PCDHGB2: variants seen among roughly 807,000 people sequenced by gnomAD.
PCDHGB2 encodes the protein protocadherin gamma-B2.
PCDHGB2 carries 55 observed loss-of-function variants against 59.3 expected under a neutral mutation model. The observed-to-expected ratio is 0.93, with a 90% CI of 0.75 to 1.16. The LOEUF (loss-of-function observed/expected upper bound fraction) is 1.16. Among genes scored for constraint, PCDHGB2 ranks in the 50% most tolerant of loss-of-function variants. The pLI is 0.00. For missense variants in PCDHGB2, 1,228 were observed against 1,198.5 expected, an observed-to-expected ratio of 1.02 and a Z score of -0.36; for synonymous variants, 516 against 512.0, an observed-to-expected ratio of 1.01 and a Z score of -0.11.
rs755093164 is a variant in PCDHGB2, at chr5:141,485,516, G to C, written c.2422-9291G>C. On this transcript the variant is annotated intron_variant, in intron 1 of 3. Coordinates refer to ENST00000522605, the MANE Select transcript of PCDHGB2 (RefSeq NM_018923.3). The surrounding 1 kb of genome is among the most constrained non-coding windows in gnomAD (Gnocchi z 5.7). Reference sequence around the variant, plus strand: ...GGAGTTTGTCACCGAAGGTCCTTTGGAAATGTACCGAGCAGAGGTAGAGAT... The same window carrying C: ...GGAGTTTGTCACCGAAGGTCCTTTGCAAATGTACCGAGCAGAGGTAGAGAT... 1 of 1,614,172 alleles carries C rather than the reference G, an allele frequency of 6.2e-7. No individual in the cohort carries two copies.
chr5:141,422,703 G>GA, intron 1 of PCDHGB2: 1 of 1,603,132 alleles, frequency 6.2e-7, no homozygotes, highest in African/African-American at 1.3e-5. Context: ...CTTACTCTCT[G>GA]ACGGATGACA....
intron 1 of PCDHGB2, chr5:141,390,735 C>T (rs1453703867): frequency 5.3e-6 from 1 of 189,140 alleles, no homozygotes; most frequent in Non-Finnish European, 1.1e-5. Context: ...CTGGTATGGT[C>T]TCCATAGTAG....
chr5:141,364,653 T>C, intron 1 of PCDHGB2: 1 of 1,614,052 alleles, frequency 6.2e-7, no homozygotes, highest in Non-Finnish European at 8.5e-7. Context: ...AACTTTAACA[T>C]CTTGGTTGAG....
intron 2 of PCDHGB2, among the ~76,000 whole-genome samples, chr5:141,499,298 C>A (rs1239333151): frequency 6.6e-6 from 1 of 152,210 alleles, no homozygotes; most frequent in African/African-American, 2.4e-5. Context: ...ACACTACCAT[C>A]CCTCCTCTGA....
At chr5:141,430,404 A>T (rs1054341813) in intron 1 of PCDHGB2, among the ~76,000 whole-genome samples, 2 of 152,000 alleles carry the variant, frequency 1.3e-5, no homozygotes, top group African/African-American at 4.8e-5. Flanking sequence ...AAAGCTCACT[A>T]AAGTTTCTAT....
chr5:141,456,327 G>C (rs917430790), intron 1 of PCDHGB2, among the ~76,000 whole-genome samples: 1 of 152,186 alleles, frequency 6.6e-6, no homozygotes, highest in African/African-American at 2.4e-5. Flanking sequence ...TCCTGGGGTT[G>C]ATCTAAGGGT....
At chr5:141,423,192 C>T in intron 1 of PCDHGB2, 2 of 1,613,622 alleles carry the variant, frequency 1.2e-6, no homozygotes, top group African/African-American at 2.7e-5. Context: ...AGCCCCCTCT[C>T]TCGGCCACCG....
At chr5:141,450,676 G>A (rs1174388119) in intron 1 of PCDHGB2, among the ~76,000 whole-genome samples, 5 of 151,796 alleles carry the variant, frequency 3.3e-5, no homozygotes, top group African/African-American at 7.3e-5. Flanking sequence ...TAGTAGAAAC[G>A]GGGTTTTGCC....
At chr5:141,443,317 C>CA (rs35054295) in intron 1 of PCDHGB2, among the ~76,000 whole-genome samples, 76,100 of 141,790 alleles carry the variant, frequency 0.54, 21,234 homozygotes, top group African/African-American at 0.75. Flanking sequence ...CCCATCTCTA[C>CA]AAAAAAAAAA....
intron 1 of PCDHGB2, chr5:141,377,299 G>A (rs1270863261): frequency 6.6e-6 from 1 of 152,100 alleles, no homozygotes; most frequent in African/African-American, 2.4e-5. Flanking sequence ...ATTTAGGTCA[G>A]TGTTAAAGAT....
At chr5:141,396,795 G>T (rs1022475514) in intron 1 of PCDHGB2, among the ~76,000 whole-genome samples, 1 of 152,180 alleles carries the variant, frequency 6.6e-6, no homozygotes, top group Admixed American at 6.5e-5. Context: ...ATTTCCTAAG[G>T]ATTGTGTAGT....
intron 1 of PCDHGB2, chr5:141,478,743 A>G: frequency 6.5e-7 from 1 of 1,528,732 alleles, no homozygotes; most frequent in Non-Finnish European, 8.8e-7. Context: ...TTGTGGTCCC[A>G]TTTCAGGGGG....
intron 2 of PCDHGB2, among the ~76,000 whole-genome samples, chr5:141,495,601 G>A (rs1315613802): frequency 3.3e-5 from 5 of 152,004 alleles, no homozygotes; most frequent in South Asian, 2.1e-4. Context: ...CTTAGCTTCC[G>A]TCTTGATTGC....
At position 141,485,841 on chromosome 5, in the gene PCDHGB2, C is replaced by G. The variant is rs969476505; in HGVS notation, c.2422-8966C>G. On this transcript the variant is annotated intron_variant, in intron 1 of 3. Transcript: ENST00000522605. This position sits in a 1 kb window ranked among gnomAD's most constrained non-coding sequence, Gnocchi z 5.7. Reference sequence around the variant, plus strand: ...GTCGATGGAGGGAACCCGCCGAGATCTGGCACCGCAGAGCTCCGGGTATCC... The same window carrying G: ...GTCGATGGAGGGAACCCGCCGAGATGTGGCACCGCAGAGCTCCGGGTATCC... 29 of 1,614,104 alleles carry G rather than the reference C, an allele frequency of 1.8e-5. No individual in the cohort carries two copies. The highest frequency in any genetic ancestry group is 2.2e-5 in the South Asian group (2 of 91,080).
chr5:141,491,148 G>A lies in PCDHGB2; in HGVS notation c.2422-3659G>A. The A allele has an allele frequency of 6.8e-6, 11 of 1,614,140 alleles. No homozygotes were observed. The highest frequency in any genetic ancestry group is 9.3e-6 in the Non-Finnish European group (11 of 1,179,990). The stretch of plus-strand genomic sequence containing the variant: ...TGCGCACAGCCCGGGCCTTACTGGA[G>A]GATGACTCTGACACCCAGCAGGTGG... On this transcript the variant is annotated intron_variant, in intron 1 of 3. Transcript: ENST00000522605. The surrounding 1 kb of genome is among the most constrained non-coding windows in gnomAD (Gnocchi z 6.9).
chr5:141,478,418 C>A, intron 1 of PCDHGB2: 1 of 1,613,650 alleles, frequency 6.2e-7, no homozygotes, highest in Non-Finnish European at 8.5e-7. Context: ...GGACTCCCGC[C>A]GCAGCGACCC....
chr5:141,452,378 T>C (rs1227738942), intron 1 of PCDHGB2, among the ~76,000 whole-genome samples: 1 of 152,226 alleles, frequency 6.6e-6, no homozygotes, highest in African/African-American at 2.4e-5. Context: ...TAGTAGGGAA[T>C]AGTATTTAGA....
Position 141,491,045 on chromosome 5 carries a change from A to G in PCDHGB2, c.2422-3762A>G, listed in dbSNP as rs1452139285. 2 of 1,613,970 alleles carry G rather than the reference A, an allele frequency of 1.2e-6. No individual in the cohort carries two copies. The highest frequency in any genetic ancestry group is 1.1e-5 in the South Asian group (1 of 91,090). On this transcript the variant is annotated intron_variant, in intron 1 of 3. Coordinates refer to ENST00000522605, the MANE Select transcript of PCDHGB2 (RefSeq NM_018923.3). This position sits in a 1 kb window ranked among gnomAD's most constrained non-coding sequence, Gnocchi z 6.9. ...GCCGTGGATGCTGATGCAGGCCACA[A>G]TGCGTGGCTCTCCTACTCACTGTTG...
chr5:141,390,290 C>T (rs1344237469), intron 1 of PCDHGB2: 1 of 1,613,806 alleles, frequency 6.2e-7, no homozygotes, highest in Admixed American at 1.7e-5. Flanking sequence ...AGGTGAGTTT[C>T]CTTTAAGTAT....
Sources: gnomAD v4.1 joint callset for allele counts (sites outside exome capture counted in the v4.1 genomes callset) on GRCh38, gnomAD v4.1.1 for gene constraint, Gnocchi (gnomAD v3.1) non-coding constraint, MANE v1.5 for transcripts, NCBI Gene and HGNC (gene_info 2026-07-23, HGNC 2026-07-21) for gene names.